TAF4: variants seen among roughly 807,000 people sequenced by gnomAD.
TAF4 encodes the protein TATA-box binding protein associated factor 4.
TAF4 carries 9 observed loss-of-function variants against 90.3 expected under a neutral mutation model. The observed-to-expected ratio is 0.10, with a 90% CI of 0.06 to 0.17. The LOEUF is 0.17. Among genes scored for constraint, TAF4 ranks in the 10% least tolerant of loss-of-function variants. The pLI is 1.00. For synonymous variants in TAF4, 818 were observed against 638.9 expected, an observed-to-expected ratio of 1.28 and a Z score of -4.23; for missense variants, 1,351 against 1,370.7, an observed-to-expected ratio of 0.99 and a Z score of 0.23.
intron 1 of TAF4, among the ~76,000 whole-genome samples, chr20:62,058,985 C>T (rs1216015060): frequency 1.1e-5 from 1 of 89,972 alleles, no homozygotes; most frequent in African/African-American, 5.8e-5. Context: ...GACAATGGGG[C>T]TCGGGGGGCC....
chr20:61,984,072 G>A (rs2055567065), intron 14 of TAF4, among the ~76,000 whole-genome samples: 3 of 152,350 alleles, frequency 2.0e-5, no homozygotes, highest in South Asian at 2.1e-4. Flanking sequence ...CAGCAGTCAT[G>A]GAACAGCATG....
intron 14 of TAF4, among the ~76,000 whole-genome samples, chr20:61,988,449 T>C (rs1225765244): frequency 6.6e-6 from 1 of 152,210 alleles, no homozygotes; most frequent in African/African-American, 2.4e-5. Context: ...TACCCACGTT[T>C]AACATGAGGC....
At chr20:62,043,889 G>A (rs1352433218) in intron 1 of TAF4, among the ~76,000 whole-genome samples, 1 of 152,158 alleles carries the variant, frequency 6.6e-6, no homozygotes, top group Non-Finnish European at 1.5e-5. Flanking sequence ...ACTGTACCTG[G>A]TTTACACATA....
intron 14 of TAF4, among the ~76,000 whole-genome samples, chr20:61,989,756 A>T (rs2055618943): frequency 6.6e-6 from 1 of 151,922 alleles, no homozygotes; most frequent in Admixed American, 6.6e-5. Context: ...TGAGTGAATG[A>T]GGGACCCTGG....
chr20:62,013,920 T>A (rs1286300176), intron 2 of TAF4, among the ~76,000 whole-genome samples: 1 of 142,572 alleles, frequency 7.0e-6, no homozygotes, highest in Non-Finnish European at 1.5e-5. Context: ...TGTGTGTGTG[T>A]GTGTGTGTGT....
At chr20:62,040,863 G>GT (rs2055959916) in intron 1 of TAF4, among the ~76,000 whole-genome samples, 1 of 152,216 alleles carries the variant, frequency 6.6e-6, no homozygotes, top group African/African-American at 2.4e-5. Context: ...ACGTCTACAC[G>GT]TATGTTCGCA....
rs574154054 is a variant in TAF4, at chr20:61,988,445, C to T, written c.3090+9105G>A. Among the ~76,000 whole-genome samples, 43 of 152,252 alleles carry T rather than the reference C, an allele frequency of 2.8e-4. No individual in the cohort carries two copies. The South Asian group carries it at 8.1e-3, about 29-fold the overall frequency. On this transcript the variant is annotated intron_variant, in intron 14 of 14. Coordinates refer to ENST00000252996, the MANE Select transcript of TAF4 (RefSeq NM_003185.4). ...TCTTCAATGAACAGTATCATACCCA[C>T]GTTTAACATGAGGCTAAACTGGGTG...
At chr20:62,061,244 C>T (rs1289657669) in intron 1 of TAF4, among the ~76,000 whole-genome samples, 2 of 152,242 alleles carry the variant, frequency 1.3e-5, no homozygotes, top group Non-Finnish European at 2.9e-5. Flanking sequence ...TCCAACCCGT[C>T]CCAACAGCGC....
At chr20:62,049,540 G>A (rs2056014015) in intron 1 of TAF4, among the ~76,000 whole-genome samples, 1 of 151,588 alleles carries the variant, frequency 6.6e-6, no homozygotes, top group African/African-American at 2.4e-5. Flanking sequence ...TGCAGAGGAA[G>A]GCCCTGCTCT....
At chr20:62,048,986 C>G (rs1314291630) in intron 1 of TAF4, among the ~76,000 whole-genome samples, 1 of 149,190 alleles carries the variant, frequency 6.7e-6, no homozygotes, top group Admixed American at 6.6e-5. Context: ...TCCATCCCCC[C>G]CTGGGCCCTC....
chr20:62,040,337 G>T (rs536662211), intron 1 of TAF4, among the ~76,000 whole-genome samples: 5 of 152,330 alleles, frequency 3.3e-5, no homozygotes, highest in Admixed American at 3.3e-4. Context: ...TGGGCACCAC[G>T]CAGAAGTATC....
intron 13 of TAF4, 145 bp from the exon 14 acceptor site, chr20:61,997,814 T>A: frequency 9.1e-7 from 1 of 1,098,168 alleles, no homozygotes; most frequent in Non-Finnish European, 1.2e-6. Flanking sequence ...ATAGTAAGCA[T>A]ATTCTATAAT....
intron 1 of TAF4, among the ~76,000 whole-genome samples, chr20:62,053,357 C>G (rs566941125): frequency 2.0e-5 from 3 of 152,342 alleles, no homozygotes; most frequent in African/African-American, 7.2e-5. Context: ...CGCCCTCGCA[C>G]TGCCCTGTGA....
chr20:61,980,584 AC>A (rs2055534110), intron 14 of TAF4: 1 of 152,298 alleles, frequency 6.6e-6, no homozygotes, highest in Non-Finnish European at 1.5e-5. Context: ...GTTTTGAAGA[AC>A]AGCAGTAGTA....
intron 1 of TAF4, among the ~76,000 whole-genome samples, chr20:62,040,636 T>C (rs2055958332): frequency 6.6e-6 from 1 of 152,242 alleles, no homozygotes; most frequent in African/African-American, 2.4e-5. Flanking sequence ...AAAAGTAGTA[T>C]GTGCTAACAC....
intron 1 of TAF4, among the ~76,000 whole-genome samples, chr20:62,030,970 A>G (rs917653413): frequency 6.6e-6 from 1 of 152,184 alleles, no homozygotes; most frequent in East Asian, 1.9e-4. Context: ...GAAATGCCTG[A>G]GTCTATTTGA....
At chr20:62,049,810 T>C (rs1229077786) in intron 1 of TAF4, among the ~76,000 whole-genome samples, 8 of 152,084 alleles carry the variant, frequency 5.3e-5, no homozygotes, top group African/African-American at 7.2e-5. Flanking sequence ...GAGCAGTTCA[T>C]AGAAATGCGA....
chr20:62,046,119 A>C (rs1352912014), intron 1 of TAF4, among the ~76,000 whole-genome samples: 1 of 152,196 alleles, frequency 6.6e-6, no homozygotes. Flanking sequence ...GTGCCAACAA[A>C]TGAGACACAA....
At chr20:61,993,909 C>T (rs981310913) in intron 14 of TAF4, among the ~76,000 whole-genome samples, 59 of 152,164 alleles carry the variant, frequency 3.9e-4, no homozygotes, top group Admixed American at 1.1e-3. Context: ...CCTACCACCA[C>T]GCCCGGCTAA....
Sources: gnomAD v4.1 joint callset for allele counts (sites outside exome capture counted in the v4.1 genomes callset) on GRCh38, gnomAD v4.1.1 for gene constraint, MANE v1.5 for transcripts, NCBI Gene and HGNC (gene_info 2026-07-23, HGNC 2026-07-21) for gene names.